CPD: variants seen among roughly 807,000 people sequenced by gnomAD.
CPD encodes the protein carboxypeptidase D.
A neutral mutation model predicts 138.3 loss-of-function variants in CPD; 69 were observed. The ratio of observed to expected loss-of-function variants is 0.50; its 90% CI spans 0.41 to 0.61. The LOEUF (loss-of-function observed/expected upper bound fraction) is 0.61. CPD is among the 20% of genes least tolerant of loss of function. The pLI is 0.00. For synonymous variants in CPD, 651 were observed against 642.1 expected (o/e 1.01, Z -0.21); for missense variants, 1,432 against 1,733.3 (o/e 0.83, Z 3.09).
At chr17:30,461,405 T>A in intron 18 of CPD, 94 bp downstream of exon 18, 1 of 935,158 alleles carries the variant, frequency 1.1e-6, no homozygotes, top group Non-Finnish European at 1.4e-6. Context: ...AAATGTATAT[T>A]ATTTATTTTA....
At chr17:30,461,131 C>A (rs376468373) in intron 17 of CPD, 49 bp from the exon 18 acceptor site, 664 of 1,444,212 alleles carry the variant, frequency 4.6e-4, no homozygotes, top group Non-Finnish European at 5.8e-4. Flanking sequence ...CTTATTCTTT[C>A]TTTTACTTAT....
At chr17:30,389,242 T>C (rs1487079835) in intron 2 of CPD, among the ~76,000 whole-genome samples, 1 of 152,226 alleles carries the variant, frequency 6.6e-6, no homozygotes. Flanking sequence ...CTGCTATCAC[T>C]TTCTAGAATT....
intron 4 of CPD, 89 bp from the exon 5 acceptor site, chr17:30,422,585 G>A (rs1912294613): frequency 1.3e-6 from 1 of 799,850 alleles, no homozygotes; most frequent in East Asian, 2.7e-5. Context: ...CTAAGTGTAA[G>A]AGGATGAAAA....
At chr17:30,413,845 A>T (rs548679536) in intron 2 of CPD, among the ~76,000 whole-genome samples, 1 of 152,174 alleles carries the variant, frequency 6.6e-6, no homozygotes, top group Non-Finnish European at 1.5e-5. Context: ...AGCAACTTCA[A>T]TTGGGGAGGT....
chr17:30,463,938 G>A (rs1183175145), intron 20 of CPD, among the ~76,000 whole-genome samples: 1 of 151,972 alleles, frequency 6.6e-6, no homozygotes, highest in Non-Finnish European at 1.5e-5. Context: ...TGATAACCTT[G>A]TACAAATTTA....
intron 2 of CPD, among the ~76,000 whole-genome samples, chr17:30,414,777 T>G (rs1912062653): frequency 6.6e-6 from 1 of 152,172 alleles, no homozygotes; most frequent in Non-Finnish European, 1.5e-5. Context: ...AACTATTTAA[T>G]AGAAGAATGA....
chr17:30,442,198 A>G (rs1342634882), intron 9 of CPD, 110 bp from the exon 10 acceptor site: 17 of 931,892 alleles, frequency 1.8e-5, no homozygotes, highest in East Asian at 7.4e-5. Context: ...TAGCTTATCA[A>G]TGCTGATAAG....
Position 30,443,800 on chromosome 17 carries a change from A to G in CPD, c.2374-2A>G, listed in dbSNP as rs1912943506. The G allele has an allele frequency of 1.9e-6, 3 of 1,608,382 alleles. No homozygotes were observed. The highest frequency in any genetic ancestry group is 2.6e-6 in the Non-Finnish European group (3 of 1,176,018). ...AATCTGGTGTCCTTGTACTTAATCC[A>G]GGTTCATCAGGGCGTCAGAGGATTT... On this transcript the variant is annotated splice_acceptor_variant, in intron 10 of 20. Coordinates refer to ENST00000225719, the MANE Select transcript of CPD (RefSeq NM_001304.5). LOFTEE classifies it high-confidence loss of function.
chr17:30,398,362 G>T (rs1456784306), intron 2 of CPD, among the ~76,000 whole-genome samples: 1 of 152,154 alleles, frequency 6.6e-6, no homozygotes, highest in South Asian at 2.1e-4. Context: ...TTTGAGGTGT[G>T]CCTGTAACTG....
At chr17:30,425,559 G>A (rs1238257176) in intron 6 of CPD, among the ~76,000 whole-genome samples, 1 of 151,618 alleles carries the variant, frequency 6.6e-6, no homozygotes, top group Non-Finnish European at 1.5e-5. Context: ...GGGAGACTGA[G>A]GCACAAGAAT....
intron 8 of CPD, among the ~76,000 whole-genome samples, chr17:30,436,096 A>G (rs935983364): frequency 3.3e-5 from 5 of 152,200 alleles, no homozygotes; most frequent in African/African-American, 1.2e-4. Flanking sequence ...TAGGACTTCA[A>G]TATATTTTTG....
chr17:30,433,230 G>A (rs1474356511), intron 8 of CPD, among the ~76,000 whole-genome samples: 1 of 152,052 alleles, frequency 6.6e-6, no homozygotes, highest in East Asian at 1.9e-4. Context: ...GGACATATAT[G>A]TTTTTTTGAA....
intron 2 of CPD, among the ~76,000 whole-genome samples, chr17:30,401,939 CT>C (rs35596472): frequency 0.47 from 65,645 of 139,296 alleles, 16,197 homozygotes; most frequent in East Asian, 0.82. Context: ...CATTATTTCA[CT>C]TTTTTTTTTT....
At chr17:30,397,449 G>A (rs1567867693) in intron 2 of CPD, among the ~76,000 whole-genome samples, 4 of 152,132 alleles carry the variant, frequency 2.6e-5, no homozygotes, top group South Asian at 4.1e-4. Context: ...AAGAGAAGAT[G>A]TGGCTGGGTA....
At chr17:30,403,913 T>C (rs922797496) in intron 2 of CPD, among the ~76,000 whole-genome samples, 2 of 152,146 alleles carry the variant, frequency 1.3e-5, no homozygotes, top group African/African-American at 4.8e-5. Flanking sequence ...CTACTTTTAT[T>C]CAATAGAATA....
chr17:30,391,469 G>A (rs1911355597), intron 2 of CPD, among the ~76,000 whole-genome samples: 2 of 152,168 alleles, frequency 1.3e-5, no homozygotes, highest in African/African-American at 2.4e-5. Flanking sequence ...GGCAGGCAAC[G>A]TATAGTTGAA....
chr17:30,430,620 C>G (rs1364184297), intron 7 of CPD, among the ~76,000 whole-genome samples: 1 of 152,068 alleles, frequency 6.6e-6, no homozygotes, highest in Non-Finnish European at 1.5e-5. Flanking sequence ...CATTGGCATT[C>G]AAATATCTAT....
intron 2 of CPD, among the ~76,000 whole-genome samples, chr17:30,386,524 G>A (rs1018002064): frequency 1.3e-5 from 2 of 150,822 alleles, no homozygotes; most frequent in East Asian, 2.0e-4. Flanking sequence ...ACAATGTTGT[G>A]CAACCATCAC....
At chr17:30,412,532 G>A (rs545945639) in intron 2 of CPD, among the ~76,000 whole-genome samples, 2 of 152,324 alleles carry the variant, frequency 1.3e-5, no homozygotes, top group East Asian at 1.9e-4. Flanking sequence ...GGTGGGCTCT[G>A]CCTAGTTCGA....
Sources: allele counts gnomAD v4.1 joint callset (sites outside exome capture counted in the v4.1 genomes callset), GRCh38; gene constraint gnomAD v4.1.1; transcripts MANE v1.5; gene names NCBI Gene and HGNC (gene_info 2026-07-23, HGNC 2026-07-21).